Variants in ELMO1 observed in about 807,000 individuals in gnomAD.
ELMO1 encodes engulfment and cell motility protein 1.
A neutral mutation model predicts 98.9 loss-of-function variants in ELMO1; 26 were observed. The ratio of observed to expected loss-of-function variants is 0.26; its 90% CI spans 0.19 to 0.36. The LOEUF (loss-of-function observed/expected upper bound fraction) is 0.36, where lower values mean the gene tolerates loss of function less well. Ranked by LOEUF, ELMO1 falls within the 10% of genes least tolerant of loss-of-function variation. The pLI, the probability that ELMO1 is intolerant of heterozygous loss-of-function variation, is 1.00. For missense variants in ELMO1, 627 were observed against 935.2 expected, an observed-to-expected ratio of 0.67 and a Z score of 4.30; for synonymous variants, 346 against 346.0, an observed-to-expected ratio of 1.00 and a Z score of 0.00.
chr7:37,256,884 G>C (rs1795693240), intron 6 of ELMO1, among the ~76,000 whole-genome samples: 1 of 152,064 alleles, frequency 6.6e-6, no homozygotes, highest in Non-Finnish European at 1.5e-5. Context: ...TGTATTACTA[G>C]GTACCCTTTA....
intron 15 of ELMO1, among the ~76,000 whole-genome samples, chr7:37,031,927 C>A (rs1328930911): frequency 6.6e-6 from 1 of 152,174 alleles, no homozygotes; most frequent in Non-Finnish European, 1.5e-5. Flanking sequence ...GAGAAGGCTC[C>A]GTGGAGACCA....
intron 15 of ELMO1, among the ~76,000 whole-genome samples, chr7:37,092,240 A>C (rs1013510407): frequency 2.6e-5 from 4 of 152,134 alleles, no homozygotes; most frequent in South Asian, 2.1e-4. Context: ...AAGATAAAGA[A>C]ACAAGGGACA....
intron 16 of ELMO1, among the ~76,000 whole-genome samples, chr7:36,948,619 T>C (rs527783453): frequency 2.0e-5 from 3 of 152,316 alleles, no homozygotes; most frequent in Non-Finnish European, 4.4e-5. Context: ...CCAGGTGCTA[T>C]TTGAACCATT....
rs367841556 is a variant in ELMO1, at chr7:36,978,930, T to G, written c.1437+34369A>C. 5.1e-4 allele frequency among the ~76,000 whole-genome samples: 77 copies of G among 152,346 alleles called. 2 individuals are homozygous for G. The South Asian group carries it at 0.015, about 29-fold the overall frequency. On this transcript the variant is annotated intron_variant, in intron 16 of 21. Coordinates refer to ENST00000310758, the MANE Select transcript of ELMO1 (RefSeq NM_014800.11). ...AGAGTACATGGGATATATTAATAAATGTGCTCTCTAAACATTTCTATGTAC... is the reference window on the plus strand; with the variant it reads ...AGAGTACATGGGATATATTAATAAAGGTGCTCTCTAAACATTTCTATGTAC...
chr7:37,407,597 CTA>C (rs1803827423), intron 1 of ELMO1, among the ~76,000 whole-genome samples: 1 of 151,472 alleles, frequency 6.6e-6, no homozygotes, highest in Admixed American at 6.6e-5. Context: ...CTGATTCCAA[CTA>C]TATGTCATTC....
At chr7:37,076,091 G>C (rs963767117) in intron 15 of ELMO1, among the ~76,000 whole-genome samples, 4 of 152,252 alleles carry the variant, frequency 2.6e-5, no homozygotes, top group African/African-American at 7.2e-5. Flanking sequence ...ACTTCCCTTT[G>C]CTACTTGTGA....
At chr7:37,363,828 GA>G (rs1801793542) in intron 1 of ELMO1, among the ~76,000 whole-genome samples, 1 of 152,128 alleles carries the variant, frequency 6.6e-6, no homozygotes, top group South Asian at 2.1e-4. Flanking sequence ...GAAAGAGAAG[GA>G]AGACACCTCC....
chr7:37,140,888 G>T (rs1054766654), intron 13 of ELMO1, among the ~76,000 whole-genome samples: 1 of 152,178 alleles, frequency 6.6e-6, no homozygotes, highest in Non-Finnish European at 1.5e-5. Context: ...AACAATAGAT[G>T]CTGGCATAGA....
intron 15 of ELMO1, among the ~76,000 whole-genome samples, chr7:37,068,893 A>G (rs1007217480): frequency 6.6e-6 from 1 of 152,158 alleles, no homozygotes; most frequent in African/African-American, 2.4e-5. Flanking sequence ...TAAATCTTAA[A>G]TATAAAGGTG....
intron 13 of ELMO1, among the ~76,000 whole-genome samples, chr7:37,195,062 A>G (rs907572969): frequency 6.6e-6 from 1 of 152,214 alleles, no homozygotes; most frequent in African/African-American, 2.4e-5. Context: ...AAGCAAGTAC[A>G]AACTACGTGC....
chr7:37,337,198 C>T (rs568888670), intron 2 of ELMO1, among the ~76,000 whole-genome samples: 1 of 152,290 alleles, frequency 6.6e-6, no homozygotes, highest in Admixed American at 6.5e-5. Context: ...GGCACATATA[C>T]ACCATGGAAT....
intron 15 of ELMO1, among the ~76,000 whole-genome samples, chr7:37,095,286 T>A (rs1784315165): frequency 1.3e-5 from 2 of 152,246 alleles, no homozygotes; most frequent in Admixed American, 6.5e-5. Flanking sequence ...CAGTCACAGT[T>A]ATCAGACAGA....
chr7:37,005,262 G>C (rs962561214), intron 16 of ELMO1, among the ~76,000 whole-genome samples: 1 of 152,042 alleles, frequency 6.6e-6, no homozygotes, highest in African/African-American at 2.4e-5. Flanking sequence ...AGAGGGTTGG[G>C]AGATGCAGGG....
chr7:37,007,810 T>C (rs1167869619), intron 16 of ELMO1, among the ~76,000 whole-genome samples: 1 of 152,170 alleles, frequency 6.6e-6, no homozygotes, highest in South Asian at 2.1e-4. Flanking sequence ...CATAGGAGAT[T>C]TCTCAGGATG....
intron 16 of ELMO1, among the ~76,000 whole-genome samples, chr7:37,010,727 A>G (rs1390836624): frequency 6.6e-6 from 1 of 152,244 alleles, no homozygotes; most frequent in Non-Finnish European, 1.5e-5. Context: ...ATGAACTGTA[A>G]GATAAATTTG....
chr7:37,121,403 G>A (rs1786025794), intron 14 of ELMO1, among the ~76,000 whole-genome samples: 1 of 152,174 alleles, frequency 6.6e-6, no homozygotes, highest in Non-Finnish European at 1.5e-5. Context: ...TGGCTAACCA[G>A]AATAACCAAT....
At chr7:37,436,536 ACTTCT>A (rs1805150853) in intron 1 of ELMO1, among the ~76,000 whole-genome samples, 1 of 152,198 alleles carries the variant, frequency 6.6e-6, no homozygotes, top group Non-Finnish European at 1.5e-5. Context: ...TGACACCCAT[ACTTCT>A]ATCCAGGGCA....
intron 13 of ELMO1, among the ~76,000 whole-genome samples, chr7:37,163,239 T>C (rs1159794367): frequency 6.6e-6 from 1 of 152,208 alleles, no homozygotes; most frequent in East Asian, 1.9e-4. Flanking sequence ...TGAGTTATTA[T>C]GGGAAAATTT....
chr7:37,178,577 G>A (rs1441265871), intron 13 of ELMO1, among the ~76,000 whole-genome samples: 1 of 151,540 alleles, frequency 6.6e-6, no homozygotes, highest in Non-Finnish European at 1.5e-5. Flanking sequence ...ACTCCAGCCT[G>A]GGCAACAAAG....
Sources: gnomAD v4.1 joint callset for allele counts (sites outside exome capture counted in the v4.1 genomes callset) on GRCh38, gnomAD v4.1.1 for gene constraint, MANE v1.5 for transcripts, NCBI Gene and HGNC (gene_info 2026-07-23, HGNC 2026-07-21) for gene names.